The following NOVA1 variants were observed in gnomAD, a reference collection of about 807,000 sequenced individuals.
NOVA1 encodes RNA-binding protein Nova-1.
A neutral mutation model predicts 38.0 loss-of-function variants in NOVA1; 7 were observed. That is an observed-to-expected ratio of 0.18 (90% CI 0.10 to 0.35). The LOEUF (loss-of-function observed/expected upper bound fraction) is 0.35, where lower values mean the gene tolerates loss of function less well. NOVA1 is among the 10% of genes least tolerant of loss of function. NOVA1 has a pLI of 1.00. For missense variants in NOVA1, 460 were observed against 616.0 expected (o/e 0.75, Z 2.68); for synonymous variants, 270 against 232.5 (o/e 1.16, Z -1.47).
intron 3 of NOVA1, chr14:26,479,247 G>A (rs1885234447): frequency 6.6e-6 from 1 of 151,942 alleles, no homozygotes; most frequent in Admixed American, 6.6e-5. Context: ...TAAATTTATA[G>A]ACGTAAAAGA....
At chr14:26,553,809 C>A (rs1024542723) in intron 2 of NOVA1, among the ~76,000 whole-genome samples, 2 of 152,008 alleles carry the variant, frequency 1.3e-5, no homozygotes, top group African/African-American at 2.4e-5. Flanking sequence ...AAGTTTTGTA[C>A]ATGTACCTCA....
chr14:26,594,454 A>G (rs1292476396), intron 2 of NOVA1: 1 of 152,032 alleles, frequency 6.6e-6, no homozygotes, highest in Non-Finnish European at 1.5e-5. Context: ...GAAAAAAATT[A>G]AAGCAGTATT....
chr14:26,507,845 G>C (rs914497009), intron 2 of NOVA1, among the ~76,000 whole-genome samples: 3 of 151,668 alleles, frequency 2.0e-5, no homozygotes, highest in African/African-American at 7.3e-5. Context: ...AAACATCCTT[G>C]ATAAATATCC....
chr14:26,589,432 A>C (rs1239834360), intron 2 of NOVA1, among the ~76,000 whole-genome samples: 2 of 151,788 alleles, frequency 1.3e-5, no homozygotes, highest in Non-Finnish European at 3.0e-5. Flanking sequence ...TTTACTTGTA[A>C]TTAAATGTGG....
At chr14:26,564,427 G>A (rs1281843060) in intron 2 of NOVA1, among the ~76,000 whole-genome samples, 1 of 152,068 alleles carries the variant, frequency 6.6e-6, no homozygotes, top group African/African-American at 2.4e-5. Context: ...CAGGTTAACT[G>A]GCTTGCTGGA....
chr14:26,572,489 GA>G, intron 2 of NOVA1, among the ~76,000 whole-genome samples: 1 of 152,232 alleles, frequency 6.6e-6, no homozygotes. Flanking sequence ...CTACTATGTG[GA>G]AGACCCTATA....
At chr14:26,488,879 A>G (rs1237108912) in intron 2 of NOVA1, among the ~76,000 whole-genome samples, 1 of 152,072 alleles carries the variant, frequency 6.6e-6, no homozygotes, top group Non-Finnish European at 1.5e-5. Flanking sequence ...TCTATCCTTT[A>G]TGTATTAATA....
intron 2 of NOVA1, among the ~76,000 whole-genome samples, chr14:26,498,431 A>G (rs1404430728): frequency 1.3e-5 from 2 of 152,110 alleles, no homozygotes; most frequent in East Asian, 3.9e-4. Context: ...ATTAATCCTT[A>G]TATCATTTAT....
intron 2 of NOVA1, among the ~76,000 whole-genome samples, chr14:26,516,380 T>G (rs573615126): frequency 2.0e-5 from 3 of 152,126 alleles, no homozygotes; most frequent in African/African-American, 2.4e-5. Flanking sequence ...CAATTTATTG[T>G]TTTTTTTCCC....
At chr14:26,455,195 T>G (rs1171466464) in intron 4 of NOVA1, among the ~76,000 whole-genome samples, 2 of 152,128 alleles carry the variant, frequency 1.3e-5, no homozygotes, top group Non-Finnish European at 2.9e-5. Flanking sequence ...CCATGCCACC[T>G]TGTCTCATGT....
intron 2 of NOVA1, among the ~76,000 whole-genome samples, chr14:26,502,080 G>A (rs940799301): frequency 2.0e-5 from 3 of 151,804 alleles, no homozygotes; most frequent in Non-Finnish European, 2.9e-5. Flanking sequence ...CTTAAATACC[G>A]CAGATAAAAA....
intron 2 of NOVA1, among the ~76,000 whole-genome samples, chr14:26,507,225 T>G (rs1012217762): frequency 6.6e-6 from 1 of 151,876 alleles, no homozygotes; most frequent in East Asian, 1.9e-4. Flanking sequence ...CCTACTTAAT[T>G]GGGATGATTG....
At chr14:26,480,712 T>C (rs1037843450) in intron 2 of NOVA1, among the ~76,000 whole-genome samples, 1 of 152,024 alleles carries the variant, frequency 6.6e-6, no homozygotes. Flanking sequence ...CTACGTGGAG[T>C]GTAAATTTGT....
intron 2 of NOVA1, among the ~76,000 whole-genome samples, chr14:26,582,496 A>T (rs1213402725): frequency 6.6e-6 from 1 of 151,852 alleles, no homozygotes; most frequent in East Asian, 1.9e-4. Flanking sequence ...GACTCCATAG[A>T]ACCTCAAAGC....
chr14:26,460,431 T>C (rs1309321290), intron 4 of NOVA1, among the ~76,000 whole-genome samples: 1 of 152,004 alleles, frequency 6.6e-6, no homozygotes, highest in Non-Finnish European at 1.5e-5. Context: ...TCATAAATCA[T>C]ATATAAAATA....
At chr14:26,593,323 T>C (rs1366217263) in intron 2 of NOVA1, 3 of 151,840 alleles carry the variant, frequency 2.0e-5, no homozygotes, top group African/African-American at 7.2e-5. Context: ...AGACTTGTGG[T>C]CAAGTGCGAA....
At chr14:26,451,112 TG>T (rs1882631561) in intron 4 of NOVA1, among the ~76,000 whole-genome samples, 1 of 152,142 alleles carries the variant, frequency 6.6e-6, no homozygotes, top group Non-Finnish European at 1.5e-5. Context: ...TAAAAGGTAA[TG>T]AAATTTTATT....
At chr14:26,512,273 T>G (rs1888156176) in intron 2 of NOVA1, among the ~76,000 whole-genome samples, 2 of 152,216 alleles carry the variant, frequency 1.3e-5, no homozygotes, top group African/African-American at 4.8e-5. Flanking sequence ...CTGGTCCTAT[T>G]ACTTGAATTG....
chr14:26,562,891 G>C (rs1048809687), intron 2 of NOVA1, among the ~76,000 whole-genome samples: 18 of 152,118 alleles, frequency 1.2e-4, no homozygotes, highest in African/African-American at 4.1e-4. Context: ...ACAGAGAGGA[G>C]TCAAGGGACA....
Sources: gnomAD v4.1 joint callset for allele counts (sites outside exome capture counted in the v4.1 genomes callset) on GRCh38, gnomAD v4.1.1 for gene constraint, MANE v1.5 for transcripts, NCBI Gene and HGNC (gene_info 2026-07-23, HGNC 2026-07-21) for gene names.